Variants in AP3D1 observed in about 807,000 individuals in gnomAD.
The protein encoded by AP3D1 is adaptor related protein complex 3 subunit delta 1.
A neutral mutation model predicts 147.6 loss-of-function variants in AP3D1; 51 were observed. That is an observed-to-expected ratio of 0.35 (90% CI 0.28 to 0.44). AP3D1 has a LOEUF of 0.44. Ranked by LOEUF, AP3D1 falls within the 20% of genes least tolerant of loss-of-function variation. AP3D1 has a pLI of 1.00. For synonymous variants in AP3D1, 760 were observed against 663.0 expected (o/e 1.15, Z -2.25); for missense variants, 1,421 against 1,624.2 (o/e 0.87, Z 2.15).
At chr19:2,130,577 G>T in intron 5 of AP3D1, 40 bp from the exon 6 acceptor site, 1 of 1,609,568 alleles carries the variant, frequency 6.2e-7, no homozygotes, top group Non-Finnish European at 8.5e-7. Flanking sequence ...GGCTTTCTGC[G>T]CCTCATCCCT....
chr19:2,152,066 A>G (rs1167116446), upstream of AP3D1, among the ~76,000 whole-genome samples: 1 of 152,232 alleles, frequency 6.6e-6, no homozygotes. Context: ...ACAGACATTA[A>G]CATGCCCACA....
chr19:2,163,818 G>A (rs1393695171), intron 1 of AP3D1, among the ~76,000 whole-genome samples: 1 of 150,780 alleles, frequency 6.6e-6, no homozygotes, highest in Non-Finnish European at 1.5e-5. Context: ...ACGGGGCGGG[G>A]CGCCGAGGGG....
chr19:2,150,206 G>A (rs1180164651), intron 1 of AP3D1, among the ~76,000 whole-genome samples: 1 of 152,208 alleles, frequency 6.6e-6, no homozygotes, highest in Non-Finnish European at 1.5e-5. Flanking sequence ...CCTGGACACA[G>A]CCTCTGGTAC....
chr19:2,134,196 T>C (rs1199957661), intron 4 of AP3D1, among the ~76,000 whole-genome samples: 3 of 152,062 alleles, frequency 2.0e-5, no homozygotes, highest in Non-Finnish European at 4.4e-5. Context: ...GGAGGATCAC[T>C]TGAGCCCAGG....
chr19:2,127,524 T>C (rs2018791058), intron 8 of AP3D1, among the ~76,000 whole-genome samples: 1 of 152,160 alleles, frequency 6.6e-6, no homozygotes, highest in South Asian at 2.1e-4. Flanking sequence ...TTTTTTTTGT[T>C]TTGTTTTTTG....
chr19:2,143,120 G>C (rs1364925071), intron 1 of AP3D1, among the ~76,000 whole-genome samples: 1 of 151,452 alleles, frequency 6.6e-6, no homozygotes, highest in Non-Finnish European at 1.5e-5. Context: ...TTGGAGTGCA[G>C]TGGTATGATC....
chr19:2,103,990 C>T (rs116357585), intron 31 of AP3D1, among the ~76,000 whole-genome samples: 4,894 of 151,844 alleles, frequency 0.032, 264 homozygotes, highest in African/African-American at 0.11. Flanking sequence ...GACACTAACA[C>T]CCAGACCCTA....
At chr19:2,154,425 G>T (rs1425174549), upstream of AP3D1, among the ~76,000 whole-genome samples, 1 of 151,510 alleles carries the variant, frequency 6.6e-6, no homozygotes, top group African/African-American at 2.4e-5. Context: ...GACTACAGGC[G>T]CTCGCCACCA....
At chr19:2,156,793 G>A (rs1192134935) in intron 1 of AP3D1, among the ~76,000 whole-genome samples, 1 of 152,006 alleles carries the variant, frequency 6.6e-6, no homozygotes, top group Non-Finnish European at 1.5e-5. Flanking sequence ...AGGTTGCAGT[G>A]AGCCAAGATT....
chr19:2,102,193 C>G lies in AP3D1; in HGVS notation c.3628G>C (p.Ala1210Pro). 6.2e-7 allele frequency: 1 copy of G among 1,614,010 alleles called. No individual in the cohort carries two copies. Among genetic ancestry groups the G allele is most frequent in the Non-Finnish European group, 8.5e-7 (1 of 1,179,956 alleles). ...AGCTCTCAACACTTGGCCAGCGTCG[C>G]CTTCATCTCTTCTAACAAGTTGCTC... ...LLSNLLEEMK[A>P]TLAKC is the part of the protein sequence containing the mutation. The change falls in exon 32 of 32, where the codon GCG becomes CCG. Residue 1210 changes from alanine (A) to proline (P), a missense_variant. Ala to Pro is a conservative substitution (Grantham distance 27). This residue lies in a region of AP3D1 where 17 missense variants were observed against 17.5 expected (regional missense o/e 0.97). Transcript: ENST00000643116.
upstream of AP3D1, among the ~76,000 whole-genome samples, chr19:2,156,061 A>G (rs2019643151): frequency 1.3e-5 from 2 of 152,070 alleles, no homozygotes; most frequent in Admixed American, 6.6e-5. Flanking sequence ...TCAAAAAAAA[A>G]AAAAAAGAAA....
At chr19:2,102,783 A>G (rs374270314) in intron 31 of AP3D1, among the ~76,000 whole-genome samples, 1 of 143,254 alleles carries the variant, frequency 7.0e-6, no homozygotes, top group Admixed American at 7.1e-5. Context: ...AAATAAATAA[A>G]ATAAAAATAA....
chr19:2,139,036 G>A (rs2019150325), intron 1 of AP3D1, among the ~76,000 whole-genome samples: 1 of 134,064 alleles, frequency 7.5e-6, no homozygotes, highest in South Asian at 2.3e-4. Flanking sequence ...TTCCAGCCCA[G>A]GTGAGAGAGC....
chr19:2,156,724 C>T (rs193159040), intron 1 of AP3D1, among the ~76,000 whole-genome samples: 21 of 152,194 alleles, frequency 1.4e-4, no homozygotes, highest in Admixed American at 1.3e-3. Context: ...TGGCGGGTGC[C>T]TGTAATCCCA....
At chr19:2,129,608 C>A in intron 6 of AP3D1, 151 bp from the exon 7 acceptor site, 1 of 949,634 alleles carries the variant, frequency 1.1e-6, no homozygotes, top group Non-Finnish European at 1.5e-6. Context: ...GTGACAGGGA[C>A]AGCAGCCACA....
intron 26 of AP3D1, 24 bp from the exon 27 acceptor site, chr19:2,110,920 C>G (rs1251528331): frequency 6.2e-7 from 1 of 1,604,598 alleles, no homozygotes; most frequent in Admixed American, 1.7e-5. Flanking sequence ...CCAGTGTTAG[C>G]AGGGCAGGCG....
chr19:2,139,295 G>A (rs1001336641), intron 1 of AP3D1, among the ~76,000 whole-genome samples: 1 of 152,082 alleles, frequency 6.6e-6, no homozygotes, highest in African/African-American at 2.4e-5. Context: ...ACGCCCCACC[G>A]TTTGCCAACT....
chr19:2,113,234 G>A (rs1050295098), intron 23 of AP3D1, 102 bp downstream of exon 23: 11 of 691,140 alleles, frequency 1.6e-5, no homozygotes, highest in South Asian at 1.9e-5. Context: ...GGTGCTGACC[G>A]CGAGAGCACA....
upstream of AP3D1, among the ~76,000 whole-genome samples, chr19:2,153,101 C>A (rs918597953): frequency 5.3e-5 from 8 of 149,934 alleles, 1 homozygote; most frequent in Non-Finnish European, 1.0e-4. Flanking sequence ...AGGATGGGCG[C>A]AGTGGTTCAA....
Sources: gnomAD v4.1 joint callset for allele counts (sites outside exome capture counted in the v4.1 genomes callset) on GRCh38, gnomAD v4.1.1 for gene constraint, gnomAD v4.1.1 regional missense constraint, MANE v1.5 for transcripts, NCBI Gene and HGNC (gene_info 2026-07-23, HGNC 2026-07-21) for gene names.